HABP4: variants seen among roughly 807,000 people sequenced by gnomAD.
HABP4 encodes the protein intracellular hyaluronan-binding protein 4.
Under a neutral mutation model 44.1 loss-of-function variants are expected in HABP4, and 32 were observed. The ratio of observed to expected loss-of-function variants is 0.73; its 90% CI spans 0.55 to 0.97. The LOEUF (loss-of-function observed/expected upper bound fraction) is 0.97, where lower values mean the gene tolerates loss of function less well. HABP4 is among the 50% of genes least tolerant of loss of function. The pLI is 0.00. For synonymous variants in HABP4, 216 were observed against 218.0 expected, an observed-to-expected ratio of 0.99 and a Z score of 0.08; for missense variants, 503 against 561.9, an observed-to-expected ratio of 0.90 and a Z score of 1.06.
chr9:96,458,428 C>T lies in HABP4; in HGVS notation c.399C>T (p.Ser133=). ...RRGEQQGWND[S]RGPEGMLERA... ...GGGAGCAGCAAGGATGGAATGACAGCCGTGGGCCGGAGGGGATGCTCGAAA... is the reference window on the plus strand; with the variant it reads ...GGGAGCAGCAAGGATGGAATGACAGTCGTGGGCCGGAGGGGATGCTCGAAA... The change falls in exon 2 of 8, where the codon AGC becomes AGT. Residue 133 remains serine, a synonymous_variant. Coordinates refer to ENST00000375249, the MANE Select transcript of HABP4 (RefSeq NM_014282.4). The T allele has an allele frequency of 6.2e-7, 1 of 1,613,798 alleles. No individual in the cohort carries two copies.
intron 2 of HABP4, among the ~76,000 whole-genome samples, chr9:96,464,342 A>T (rs1311078775): frequency 1.3e-5 from 2 of 152,220 alleles, no homozygotes; most frequent in Non-Finnish European, 2.9e-5. Flanking sequence ...CTGCCACTGC[A>T]CTCCAGCCTG....
chr9:96,466,141 G>A (rs1446569828), intron 4 of HABP4, among the ~76,000 whole-genome samples: 3 of 152,108 alleles, frequency 2.0e-5, no homozygotes, highest in African/African-American at 7.2e-5. Flanking sequence ...AAGCCAAGGT[G>A]GACGGATCAC....
At position 96,458,474 on chromosome 9, in the gene HABP4, A is replaced by G. The variant is rs767411366; in HGVS notation, c.445A>G (p.Arg149Gly). The G allele has an allele frequency of 1.5e-5, 25 of 1,613,228 alleles. No homozygotes were observed. Among genetic ancestry groups the G allele is most frequent in the Non-Finnish European group, 2.1e-5 (25 of 1,179,142 alleles). Reference protein sequence around the residue: ...MLERAERRSYREYRPYETERQ... With the variant: ...MLERAERRSYGEYRPYETERQ... Reference sequence around the variant, plus strand: ...CGAAAGAGCTGAGCGGAGATCCTACAGGGAATACCGACCCTATGAGACAGA... The same window carrying G: ...CGAAAGAGCTGAGCGGAGATCCTACGGGGAATACCGACCCTATGAGACAGA... Residue 149 changes from arginine to glycine, a missense_variant, in exon 2 of 8, where the codon AGG (arginine) becomes GGG (glycine). By Grantham distance (125) the Arg-to-Gly change is moderately radical. Coordinates refer to ENST00000375249, the MANE Select transcript of HABP4 (RefSeq NM_014282.4).
chr9:96,469,833 A>T (rs1190764539), intron 4 of HABP4, among the ~76,000 whole-genome samples: 1 of 152,072 alleles, frequency 6.6e-6, no homozygotes, highest in Non-Finnish European at 1.5e-5. Flanking sequence ...TTTACTTTCA[A>T]CAAAATAGCA....
intron 5 of HABP4, chr9:96,484,049 A>AAT (rs1351940856): frequency 6.5e-6 from 1 of 154,066 alleles, no homozygotes; most frequent in Non-Finnish European, 1.4e-5. Flanking sequence ...AACTCATTAA[A>AAT]GAGGATATTT....
intron 6 of HABP4, among the ~76,000 whole-genome samples, chr9:96,485,114 G>A (rs969772248): frequency 3.3e-5 from 5 of 151,698 alleles, no homozygotes; most frequent in East Asian, 3.9e-4. Context: ...GTGCAGTGGC[G>A]CGATCTTGGC....
chr9:96,466,584 A>G (rs1207417582), intron 4 of HABP4, among the ~76,000 whole-genome samples: 2 of 152,074 alleles, frequency 1.3e-5, no homozygotes, highest in South Asian at 2.1e-4. Context: ...TTACCTTTCA[A>G]AGTTCATGTG....
Position 96,488,274 on chromosome 9 carries a change from G to A in HABP4, c.1185G>A (p.Val395=), listed in dbSNP as rs1036671196. 1.9e-6 allele frequency: 3 copies of A among 1,607,584 alleles called. No homozygotes were observed. The highest frequency in any genetic ancestry group is 2.6e-6 in the Non-Finnish European group (3 of 1,176,164). ...ACTATGGACCCAGAGCAGAAGTGGT[G>A]GTAGGTGTCTGTATTGACGGTTTGG... ...AENYGPRAEV[V]MQDVAPNPDD... Residue 395 remains valine (V), a splice_region_variant and synonymous_variant, in exon 7 of 8, where the codon GTG becomes GTA. Coordinates refer to ENST00000375249, the MANE Select transcript of HABP4 (RefSeq NM_014282.4). This position sits in a 1 kb window ranked among gnomAD's most constrained non-coding sequence, Gnocchi z 4.6.
intron 1 of HABP4, among the ~76,000 whole-genome samples, chr9:96,451,735 A>G (rs1055061811): frequency 1.3e-4 from 20 of 152,236 alleles, no homozygotes; most frequent in Non-Finnish European, 2.6e-4. Context: ...GATGTTGAAA[A>G]TGATTTTTAA....
At chr9:96,477,463 A>G (rs115933216) in intron 5 of HABP4, among the ~76,000 whole-genome samples, 2,123 of 152,224 alleles carry the variant, frequency 0.014, 42 homozygotes, top group African/African-American at 0.048. Context: ...CCAGGGTATC[A>G]TATACCACTC....
chr9:96,450,482 G>C lies in HABP4; in HGVS notation c.203G>C (p.Gly68Ala). Reference protein sequence around the residue: ...RDEAAAAAGAGPRGGRSPAGA... With the variant: ...RDEAAAAAGAAPRGGRSPAGA... Reference sequence around the variant, plus strand: ...GAGGCGGCGGCGGCGGCCGGGGCCGGTCCCCGCGGCGGCAGGAGCCCAGCC... The same window carrying C: ...GAGGCGGCGGCGGCGGCCGGGGCCGCTCCCCGCGGCGGCAGGAGCCCAGCC... The change falls in exon 1 of 8, where the codon GGT (glycine) becomes GCT (alanine). Residue 68 changes from glycine to alanine, a missense_variant. Transcript: ENST00000375249. The surrounding 1 kb of genome is among the most constrained non-coding windows in gnomAD (Gnocchi z 4.8). 3.3e-6 allele frequency: 4 copies of C among 1,214,936 alleles called. No homozygotes were observed. Among genetic ancestry groups the C allele is most frequent in the Non-Finnish European group, 4.1e-6 (4 of 975,786 alleles). The allele number at this position is 1,214,936 out of a possible 1,614,324, so 75.3% of individuals were successfully genotyped here.
At chr9:96,460,452 C>T (rs1220051108) in intron 2 of HABP4, among the ~76,000 whole-genome samples, 1 of 152,182 alleles carries the variant, frequency 6.6e-6, no homozygotes. Flanking sequence ...AAACATGATA[C>T]AATTTTCAAA....
chr9:96,486,224 C>CT (rs1832974180), intron 6 of HABP4, among the ~76,000 whole-genome samples: 1 of 152,142 alleles, frequency 6.6e-6, no homozygotes, highest in African/African-American at 2.4e-5. Flanking sequence ...ACAGGATTCT[C>CT]TCCCATCCTC....
chr9:96,470,706 C>T (rs919501316), intron 4 of HABP4, among the ~76,000 whole-genome samples: 3 of 151,320 alleles, frequency 2.0e-5, no homozygotes, highest in African/African-American at 7.3e-5. Flanking sequence ...CCAGCCTGAC[C>T]AACATGGTGA....
At chr9:96,477,194 C>T (rs1013195144) in intron 5 of HABP4, among the ~76,000 whole-genome samples, 3 of 152,054 alleles carry the variant, frequency 2.0e-5, no homozygotes, top group African/African-American at 7.2e-5. Flanking sequence ...TGTATTAGGT[C>T]GTCTTAAGTA....
In HABP4 at chr9:96,465,357, G is replaced by C; in HGVS notation, c.533G>C (p.Arg178Pro). 6.2e-7 allele frequency: 1 copy of C among 1,610,298 alleles called. No individual in the cohort carries two copies. Among genetic ancestry groups the C allele is most frequent in the Middle Eastern group, 1.7e-4 (1 of 6,056 alleles). Reference protein sequence around the residue: ...PDEKPGDRFDRDRPLRGRGGP... With the variant: ...PDEKPGDRFDPDRPLRGRGGP... ...CCTAGACCAGGTGATAGGTTTGATC[G>C]AGACAGACCGTTGAGAGGACGTGGA... The change falls in exon 3 of 8, where the codon CGA (arginine) becomes CCA (proline). Residue 178 changes from arginine to proline, a missense_variant. Around this residue, in one of 3 missense-constraint regions of HABP4, gnomAD observed 290 missense variants for 300.5 expected, o/e 0.97. Transcript: ENST00000375249.
intron 7 of HABP4, among the ~76,000 whole-genome samples, chr9:96,489,734 C>A (rs373208256): frequency 1.3e-5 from 2 of 152,204 alleles, no homozygotes; most frequent in Non-Finnish European, 2.9e-5. Flanking sequence ...CCATGCAGAA[C>A]CCCCAGTAAG....
At chr9:96,489,181 T>A (rs2131165400) in intron 7 of HABP4, among the ~76,000 whole-genome samples, 1 of 152,242 alleles carries the variant, frequency 6.6e-6, no homozygotes, top group Admixed American at 6.5e-5. Flanking sequence ...AAACACAATT[T>A]TTTGGGCGGG....
intron 4 of HABP4, 33 bp from the exon 5 acceptor site, chr9:96,470,978 T>C (rs1234309569): frequency 2.4e-6 from 3 of 1,230,376 alleles, no homozygotes; most frequent in Non-Finnish European, 3.6e-6. Flanking sequence ...TGAATGTATT[T>C]GTGTGACTAG....
Sources: allele counts gnomAD v4.1 joint callset (sites outside exome capture counted in the v4.1 genomes callset), GRCh38; gene constraint gnomAD v4.1.1; regional missense constraint gnomAD v4.1.1; non-coding constraint Gnocchi (gnomAD v3.1); transcripts MANE v1.5; gene names NCBI Gene and HGNC (gene_info 2026-07-23, HGNC 2026-07-21).